RTN4: variants seen among roughly 807,000 people sequenced by gnomAD.
The protein encoded by RTN4 is reticulon 4, also known as reticulon-4.
A neutral mutation model predicts 90.4 loss-of-function variants in RTN4; 32 were observed. The ratio of observed to expected loss-of-function variants is 0.35; its 90% CI spans 0.27 to 0.48. The LOEUF is 0.48. Among genes scored for constraint, RTN4 ranks in the 20% least tolerant of loss-of-function variants. RTN4 has a pLI of 0.99. For synonymous variants in RTN4, 629 were observed against 552.5 expected (o/e 1.14, Z -1.94); for missense variants, 1,706 against 1,430.2 (o/e 1.19, Z -3.11).
intron 1 of RTN4, among the ~76,000 whole-genome samples, chr2:55,037,811 G>A (rs1290298309): frequency 6.6e-6 from 1 of 152,136 alleles, no homozygotes; most frequent in Non-Finnish European, 1.5e-5. Context: ...TGAAATTTAT[G>A]CAGAAATACT....
At chr2:55,055,298 A>G (rs1235413508), upstream of RTN4, among the ~76,000 whole-genome samples, 1 of 151,912 alleles carries the variant, frequency 6.6e-6, no homozygotes, top group Non-Finnish European at 1.5e-5. Flanking sequence ...GTGTCCTCAT[A>G]TGAAGAAAGA....
intron 1 of RTN4, among the ~76,000 whole-genome samples, chr2:55,103,381 T>C (rs913840316): frequency 2.0e-5 from 3 of 152,012 alleles, no homozygotes; most frequent in Non-Finnish European, 2.9e-5. Context: ...GATAAATAAG[T>C]TCTGGAGACC....
At chr2:55,053,712 C>G (rs577383757), upstream of RTN4, among the ~76,000 whole-genome samples, 3 of 147,540 alleles carry the variant, frequency 2.0e-5, no homozygotes, top group East Asian at 6.0e-4. Flanking sequence ...AAAAAAGAAA[C>G]AAAGAAAAGA....
intron 1 of RTN4, among the ~76,000 whole-genome samples, chr2:55,092,003 C>A (rs1668947045): frequency 1.3e-5 from 2 of 152,106 alleles, no homozygotes; most frequent in Admixed American, 1.3e-4. Flanking sequence ...CTGGGAGACA[C>A]AATTCAAGTT....
intron 1 of RTN4, among the ~76,000 whole-genome samples, chr2:55,037,115 T>G (rs1221489729): frequency 6.6e-6 from 1 of 152,060 alleles, no homozygotes; most frequent in Non-Finnish European, 1.5e-5. Flanking sequence ...AAAATGAAAA[T>G]ATTTTCTAAA....
chr2:55,108,843 A>G (rs773952023), intron 1 of RTN4, among the ~76,000 whole-genome samples: 1 of 152,128 alleles, frequency 6.6e-6, no homozygotes, highest in Non-Finnish European at 1.5e-5. Flanking sequence ...AAAAAATAGT[A>G]AGACTAAGAA....
intron 1 of RTN4, among the ~76,000 whole-genome samples, chr2:55,032,985 G>A (rs1398638281): frequency 2.0e-5 from 3 of 150,518 alleles, no homozygotes; most frequent in African/African-American, 7.4e-5. Context: ...CCATGATCAC[G>A]CCACTGCACT....
the RTN4 span, among the ~76,000 whole-genome samples, chr2:55,125,916 C>G: frequency 1.3e-5 from 2 of 151,766 alleles, no homozygotes. Flanking sequence ...AAAAAATTAG[C>G]CAGGCATGGC....
In RTN4 at chr2:55,087,164, C is replaced by G. The variant is rs551394509; in HGVS notation, c.-213-6525G>C. Among the ~76,000 whole-genome samples, 3 of 152,308 alleles carry G rather than the reference C, an allele frequency of 2.0e-5. No homozygotes were observed. The East Asian group carries it at 5.8e-4, about 29-fold the overall frequency. On this transcript the variant is annotated intron_variant, in intron 1 of 3. Transcript: ENST00000427710. ...TGGTTATGTTTGGGGGTACTGTGAA[C>G]TATGCTGCTGTGAATATGTACCCAA...
At chr2:55,030,610 GT>G (rs1309266329) in intron 1 of RTN4, among the ~76,000 whole-genome samples, 1 of 152,150 alleles carries the variant, frequency 6.6e-6, no homozygotes, top group East Asian at 1.9e-4. Flanking sequence ...TAAAAATGTT[GT>G]GAAGGAGGGA....
intron 2 of RTN4, among the ~76,000 whole-genome samples, chr2:55,068,975 C>T (rs1384359243): frequency 6.6e-6 from 1 of 152,166 alleles, no homozygotes; most frequent in Non-Finnish European, 1.5e-5. Flanking sequence ...TGATTTGTGC[C>T]AAGGCACCCA....
At chr2:55,071,882 T>A (rs770159850) in intron 2 of RTN4, among the ~76,000 whole-genome samples, 1 of 152,204 alleles carries the variant, frequency 6.6e-6, no homozygotes, top group African/African-American at 2.4e-5. Flanking sequence ...TTATAATGAC[T>A]GGGTTAGCTT....
At chr2:55,134,085 T>A in the RTN4 span, among the ~76,000 whole-genome samples, 1 of 152,174 alleles carries the variant, frequency 6.6e-6, no homozygotes, top group Admixed American at 6.5e-5. Flanking sequence ...ATATGGTAAC[T>A]TCCAGACGGT....
At chr2:54,973,432 T>G in intron 8 of RTN4, 131 bp downstream of exon 8, 1 of 795,358 alleles carries the variant, frequency 1.3e-6, no homozygotes, top group South Asian at 1.6e-5. Context: ...AACAATCTTT[T>G]GGCAACTCTG....
rs781251894 is a variant in RTN4 at position 55,025,547 on chromosome 2, G to A, written c.2552C>T (p.Ala851Val). 3.1e-6 allele frequency: 5 copies of A among 1,613,560 alleles called. No homozygotes were observed. Among genetic ancestry groups the A allele is most frequent in the Non-Finnish European group, 4.2e-6 (5 of 1,179,808 alleles). The change falls in exon 3 of 9, where the codon GCA (alanine) becomes GTA (valine). Residue 851 changes from alanine to valine, a missense_variant. Transcript: ENST00000337526. ...AAACGTTTCAGTTTCTCTTATCTGT[G>A]CTTCCTTAGAAATAAATAAGTCATC... is the stretch of plus-strand genomic sequence containing the variant. ...SNDDLFISKE[A>V]QIRETETFSD...
At chr2:55,051,278 AAG>A (rs1227968037), upstream of RTN4, among the ~76,000 whole-genome samples, 8 of 152,084 alleles carry the variant, frequency 5.3e-5, no homozygotes, top group Non-Finnish European at 1.0e-4. Flanking sequence ...GAGTCACCCA[AAG>A]AGAGAGGCAG....
At chr2:55,105,046 A>G (rs1460698743) in intron 1 of RTN4, among the ~76,000 whole-genome samples, 4 of 151,814 alleles carry the variant, frequency 2.6e-5, no homozygotes, top group African/African-American at 7.3e-5. Flanking sequence ...AGCTCAAGCA[A>G]TCCACTCACC....
In RTN4 at chr2:55,000,980, T is replaced by C. The variant is rs575872939; in HGVS notation, c.3014-13282A>G. Reference sequence around the variant, plus strand: ...AATTGTTCTCACCTTAAAAATAAATTTATACTATAAATAACAATCTATGTA... The same window carrying C: ...AATTGTTCTCACCTTAAAAATAAATCTATACTATAAATAACAATCTATGTA... On this transcript the variant is annotated intron_variant, in intron 3 of 8. Transcript: ENST00000337526. Among the ~76,000 whole-genome samples, 8 of 148,622 alleles carry C rather than the reference T, an allele frequency of 5.4e-5. No individual in the cohort carries two copies. In the South Asian group the frequency reaches 1.7e-3, roughly 32 times the overall value.
chr2:55,114,546 A>G (rs537393876), upstream of RTN4, among the ~76,000 whole-genome samples: 1 of 152,272 alleles, frequency 6.6e-6, no homozygotes, highest in East Asian at 1.9e-4. Context: ...TAAAAATACA[A>G]AAATTAGATG....
Sources: allele counts gnomAD v4.1 joint callset (sites outside exome capture counted in the v4.1 genomes callset), GRCh38; gene constraint gnomAD v4.1.1; transcripts MANE v1.5; gene names NCBI Gene and HGNC (gene_info 2026-07-23, HGNC 2026-07-21).